The following STRN3 variants were observed in gnomAD, a reference collection of about 807,000 sequenced individuals.
STRN3 encodes the protein striatin-3.
STRN3 carries 29 observed loss-of-function variants against 95.6 expected under a neutral mutation model. That is an observed-to-expected ratio of 0.30 (90% CI 0.23 to 0.41). The LOEUF (loss-of-function observed/expected upper bound fraction) is 0.41. Ranked by LOEUF, STRN3 falls within the 10% of genes least tolerant of loss-of-function variation. STRN3 has a pLI of 1.00. For missense variants in STRN3, 890 were observed against 972.1 expected (o/e 0.92, Z 1.12); for synonymous variants, 331 against 357.6 (o/e 0.93, Z 0.84).
rs1195931618 is a variant in STRN3, at chr14:30,913,358, C to T, written c.1374+166G>A. On this transcript the variant is annotated intron_variant, in intron 10 of 17. Coordinates refer to ENST00000357479, the MANE Select transcript of STRN3 (RefSeq NM_001083893.2). ...ACCTAAAAAAAAAATTTAAATACCA[C>T]AAAGAGAGTAGTTATAAAAGAAAAA... is the stretch of plus-strand genomic sequence containing the variant. Among the ~76,000 whole-genome samples the T allele has an allele frequency of 2.6e-5, 4 of 151,908 alleles. No homozygotes were observed. In the East Asian group the frequency reaches 7.7e-4, roughly 29 times the overall value.
At chr14:30,896,753 AAAAG>A (rs1167117649) in intron 16 of STRN3, among the ~76,000 whole-genome samples, 2 of 152,198 alleles carry the variant, frequency 1.3e-5, no homozygotes, top group Non-Finnish European at 2.9e-5. Flanking sequence ...CATACTCTAA[AAAAG>A]AAAGGAGTAA....
chr14:30,904,057 T>C (rs1176859486), intron 15 of STRN3, among the ~76,000 whole-genome samples: 1 of 152,116 alleles, frequency 6.6e-6, no homozygotes, highest in Non-Finnish European at 1.5e-5. Context: ...CCTAACACAA[T>C]GAACAACCCA....
chr14:30,909,535 T>C (rs1244857847), intron 13 of STRN3, among the ~76,000 whole-genome samples: 1 of 152,142 alleles, frequency 6.6e-6, no homozygotes. Flanking sequence ...TGGAGTACAC[T>C]GGCACCATCA....
chr14:31,015,522 C>T (rs1230340720), intron 1 of STRN3, among the ~76,000 whole-genome samples: 2 of 151,952 alleles, frequency 1.3e-5, no homozygotes, highest in East Asian at 1.9e-4. Flanking sequence ...CAGGCATGCA[C>T]CATCACACCG....
chr14:31,009,945 A>C (rs566066261), intron 1 of STRN3, among the ~76,000 whole-genome samples: 5 of 151,954 alleles, frequency 3.3e-5, no homozygotes, highest in Non-Finnish European at 7.4e-5. Context: ...TGAAAAAAAA[A>C]TTTTTTAAGT....
intron 16 of STRN3, among the ~76,000 whole-genome samples, chr14:30,896,879 T>C (rs560419092): frequency 5.3e-4 from 80 of 152,224 alleles, no homozygotes; most frequent in African/African-American, 1.9e-3. Flanking sequence ...CAACAGCAAG[T>C]AGAATTTAAA....
chr14:30,933,724 GTCTCT>G (rs907590927), intron 7 of STRN3, among the ~76,000 whole-genome samples: 7 of 152,158 alleles, frequency 4.6e-5, no homozygotes, highest in Admixed American at 6.5e-5. Flanking sequence ...GAATTAATGT[GTCTCT>G]TCTATTTCCA....
At chr14:30,973,201 T>A (rs944375026) in intron 1 of STRN3, among the ~76,000 whole-genome samples, 3 of 152,044 alleles carry the variant, frequency 2.0e-5, no homozygotes, top group African/African-American at 7.2e-5. Context: ...AAAGTGAGAC[T>A]CTGTCTCAAA....
Position 30,895,677 on chromosome 14 carries a change from A to G in STRN3, c.2209T>C (p.Tyr737His). Residue 737 changes from tyrosine (Y) to histidine (H), a missense_variant, in exon 17 of 18, where the codon TAT becomes CAT. By Grantham distance (83) the Tyr-to-His change is moderately conservative (BLOSUM62 2). This residue lies in a region of STRN3 where 357 missense variants were observed against 422.8 expected (regional missense o/e 0.84). Coordinates refer to ENST00000357479, the MANE Select transcript of STRN3 (RefSeq NM_001083893.2). ...TAAGACTTACTTCCAGACATCAAAT[A>G]GATTCCATTAGGATCTACTGCTAGA... ...TSLAVDPNGI[Y>H]LMSGSHDCSI... The G allele has an allele frequency of 5.6e-6, 9 of 1,613,816 alleles. No homozygotes were observed. Among genetic ancestry groups the G allele is most frequent in the Non-Finnish European group, 7.6e-6 (9 of 1,179,922 alleles).
intron 1 of STRN3, among the ~76,000 whole-genome samples, chr14:31,017,447 C>T (rs1041206170): frequency 3.3e-5 from 5 of 150,378 alleles, no homozygotes; most frequent in South Asian, 2.1e-4. Context: ...TGCAGTGAGC[C>T]GAGATCGCGC....
At chr14:30,903,294 A>T (rs893478180) in intron 15 of STRN3, among the ~76,000 whole-genome samples, 3 of 152,200 alleles carry the variant, frequency 2.0e-5, no homozygotes, top group African/African-American at 7.2e-5. Context: ...ACCTATGTAG[A>T]GTAATTAAAA....
chr14:30,922,281 G>C (rs1210679466), intron 8 of STRN3, among the ~76,000 whole-genome samples: 1 of 151,938 alleles, frequency 6.6e-6, no homozygotes. Flanking sequence ...TCTCTCCTAA[G>C]CATCCCAAAG....
At chr14:30,985,631 T>C (rs1296875061) in intron 1 of STRN3, among the ~76,000 whole-genome samples, 1 of 152,104 alleles carries the variant, frequency 6.6e-6, no homozygotes, top group Non-Finnish European at 1.5e-5. Context: ...TTTGGTAGTC[T>C]AAACAGTTTC....
rs2138924170 is a variant in STRN3 at position 30,895,420 on chromosome 14, T to C, written c.2385A>G (p.Val795=). The change falls in exon 18 of 18, where the codon GTA becomes GTG. Residue 795 remains valine, a synonymous_variant. Transcript: ENST00000357479. ...ASAGADALAK[V]FV ...GCAAGTTTTTGTTGATTCATACAAA[T>C]ACTTTGGCAAGAGCATCAGCTCCTG... 1 of 1,603,300 alleles carries C rather than the reference T, an allele frequency of 6.2e-7. No individual in the cohort carries two copies. Among genetic ancestry groups the C allele is most frequent in the East Asian group, 2.2e-5 (1 of 44,674 alleles).
chr14:31,001,912 TC>T (rs1009157129), intron 1 of STRN3, among the ~76,000 whole-genome samples: 13 of 151,826 alleles, frequency 8.6e-5, no homozygotes, highest in African/African-American at 2.7e-4. Context: ...ATGCCTGTAA[TC>T]CCAGCACTTT....
intron 1 of STRN3, among the ~76,000 whole-genome samples, chr14:30,971,782 T>A (rs890013221): frequency 2.0e-5 from 3 of 152,090 alleles, no homozygotes; most frequent in Non-Finnish European, 4.4e-5. Context: ...AAAAAGTAGT[T>A]CGGTAAATGG....
chr14:30,933,280 T>TTAAAAA lies in STRN3; in HGVS notation c.988+1882_988+1883insTTTTTA, dbSNP rs1555317709. On this transcript the variant is annotated intron_variant, in intron 7 of 17. Coordinates refer to ENST00000357479, the MANE Select transcript of STRN3 (RefSeq NM_001083893.2). ...GGCAATAAAGCGAGACCCTGTTTCA[T>TTAAAAA]AAAAAAAAAAAAAAAAAAAAAAAAA... is the stretch of plus-strand genomic sequence containing the variant. Among the ~76,000 whole-genome samples, 25 of 22,774 alleles carry TTAAAAA rather than the reference T, an allele frequency of 1.1e-3. 2 individuals are homozygous for TTAAAAA. The highest frequency in any genetic ancestry group is 1.5e-3 in the African/African-American group (10 of 6,642). The allele number at this position is 22,774 out of a possible 152,430, so 14.9% of individuals were successfully genotyped here.
At chr14:30,910,732 T>A (rs1896585555) in intron 13 of STRN3, among the ~76,000 whole-genome samples, 1 of 152,102 alleles carries the variant, frequency 6.6e-6, no homozygotes. Context: ...TATAAACTAT[T>A]TCTTAAGTTC....
intron 1 of STRN3, among the ~76,000 whole-genome samples, chr14:30,972,158 T>C (rs1286942982): frequency 1.3e-5 from 2 of 152,182 alleles, no homozygotes; most frequent in Non-Finnish European, 2.9e-5. Flanking sequence ...TTTTCGATTA[T>C]CTACTCCACC....
Sources: allele counts gnomAD v4.1 joint callset (sites outside exome capture counted in the v4.1 genomes callset), GRCh38; gene constraint gnomAD v4.1.1; regional missense constraint gnomAD v4.1.1; transcripts MANE v1.5; gene names NCBI Gene and HGNC (gene_info 2026-07-23, HGNC 2026-07-21).